Variants in SPINK5 observed in about 807,000 individuals in gnomAD.
SPINK5 encodes serine peptidase inhibitor Kazal type 5, also known as serine protease inhibitor Kazal-type 5.
A neutral mutation model predicts 151.8 loss-of-function variants in SPINK5; 125 were observed. That is an observed-to-expected ratio of 0.82 (90% CI 0.71 to 0.96). The LOEUF (loss-of-function observed/expected upper bound fraction) is 0.96, where lower values mean the gene tolerates loss of function less well. SPINK5 is among the 40% of genes least tolerant of loss of function. The pLI, the probability that SPINK5 is intolerant of heterozygous loss-of-function variation, is 0.00. For synonymous variants in SPINK5, 374 were observed against 395.3 expected, an observed-to-expected ratio of 0.95 and a Z score of 0.64; for missense variants, 1,194 against 1,291.9, an observed-to-expected ratio of 0.92 and a Z score of 1.16.
intron 30 of SPINK5, among the ~76,000 whole-genome samples, chr5:148,128,222 GTT>G (rs58436321): frequency 5.3e-5 from 8 of 150,876 alleles, no homozygotes; most frequent in East Asian, 2.0e-4. Context: ...AACAAAATAT[GTT>G]TTTTTTTTTA....
rs181820890 is a variant in SPINK5 at position 148,070,286 on chromosome 5, A to G, written c.82-37A>G. 6.0e-5 allele frequency: 96 copies of G among 1,609,322 alleles called. No homozygotes were observed. The Admixed American group carries it at 1.0e-3, about 17-fold the overall frequency. ...ATCAAAATAAAGCTTGTTTTGATGT[A>G]CTTTTAGCTAACACAACTTTTTTGG... On this transcript the variant is annotated intron_variant, in intron 2 of 32. Coordinates refer to ENST00000256084, the MANE Select transcript of SPINK5 (RefSeq NM_006846.4).
At chr5:148,078,644 C>T (rs1307288348) in intron 4 of SPINK5, among the ~76,000 whole-genome samples, 1 of 149,986 alleles carries the variant, frequency 6.7e-6, no homozygotes, top group African/African-American at 2.4e-5. Flanking sequence ...CGTGAAAATC[C>T]CCAAATCTTT....
At chr5:148,123,521 G>GTATATATATATATA (rs1159209367) in intron 26 of SPINK5, among the ~76,000 whole-genome samples, 16 of 25,014 alleles carry the variant, frequency 6.4e-4, no homozygotes, top group African/African-American at 1.2e-3. Context: ...CAATATATGT[G>GTATATATATATATA]TATATATATA....
intron 20 of SPINK5, among the ~76,000 whole-genome samples, chr5:148,113,853 A>G (rs1355526980): frequency 1.3e-5 from 2 of 149,934 alleles, no homozygotes; most frequent in Non-Finnish European, 2.9e-5. Flanking sequence ...ACTACAGACA[A>G]ACTCTCCTCT....
At chr5:148,125,451 A>G (rs1754404754) in intron 28 of SPINK5, 2 of 1,366,604 alleles carry the variant, frequency 1.5e-6, no homozygotes. Flanking sequence ...TGGGGAAAGG[A>G]AGGATGGATG....
At chr5:148,115,868 C>G (rs1256557703) in intron 21 of SPINK5, among the ~76,000 whole-genome samples, 1 of 149,944 alleles carries the variant, frequency 6.7e-6, no homozygotes, top group African/African-American at 2.5e-5. Context: ...GTCGTCCACA[C>G]TGAAGTGCAG....
intron 11 of SPINK5, among the ~76,000 whole-genome samples, chr5:148,098,858 G>A (rs1304841939): frequency 2.0e-5 from 3 of 151,954 alleles, no homozygotes; most frequent in East Asian, 3.9e-4. Context: ...GATTAACAAG[G>A]GGATGAGTAG....
rs765337620 is a variant in SPINK5 at position 148,120,379 on chromosome 5, C to T, written c.2526C>T (p.Ser842=). Residue 842 remains serine, a synonymous_variant, in exon 26 of 33, where the codon AGC becomes AGT. Coordinates refer to ENST00000256084, the MANE Select transcript of SPINK5 (RefSeq NM_006846.4). ...AAAGGAGCAATACAGGAGAAAGGAG[C>T]AATGACAAAGAGGTAATAGATGTTA... ...TGERSNTGER[S]NDKEDLCREF... 19 of 1,598,792 alleles carry T rather than the reference C, an allele frequency of 1.2e-5. No individual in the cohort carries two copies. In the African/African-American group the frequency reaches 2.0e-4, roughly 17 times the overall value.
rs2303065 is a variant in SPINK5, at chr5:148,100,549, T to C, written c.1188T>C (p.His396=). Residue 396 remains histidine, a synonymous_variant, in exon 13 of 33, where the codon CAT becomes CAC. Coordinates refer to ENST00000256084, the MANE Select transcript of SPINK5 (RefSeq NM_006846.4). The part of the protein sequence containing the change: ...DPIQGPDGKV[H]GNTCSMCEVF... ...TCCAGGGCCCAGATGGGAAAGTGCA[T>C]GGCAACACCTGCTCCATGTGTGAGG... is the stretch of plus-strand genomic sequence containing the variant. 819,905 of 1,612,000 alleles carry C rather than the reference T, an allele frequency of 0.51. 213,501 individuals are homozygous for C. Among genetic ancestry groups the C allele is most frequent in the Admixed American group, 0.66 (39,450 of 59,942 alleles).
intron 26 of SPINK5, among the ~76,000 whole-genome samples, chr5:148,121,144 A>AG (rs1491244255): frequency 1.0e-3 from 23 of 22,700 alleles, no homozygotes; most frequent in East Asian, 4.0e-3. Flanking sequence ...ACTCTGTCTC[A>AG]AAAAAAAAAA....
intron 17 of SPINK5, among the ~76,000 whole-genome samples, chr5:148,107,546 T>C (rs1167971572): frequency 6.6e-6 from 1 of 152,200 alleles, no homozygotes; most frequent in Non-Finnish European, 1.5e-5. Flanking sequence ...AGAAGCCAGC[T>C]GGATGGAGGT....
intron 1 of SPINK5, among the ~76,000 whole-genome samples, chr5:148,064,876 A>G (rs1252606043): frequency 6.6e-6 from 1 of 152,124 alleles, no homozygotes; most frequent in East Asian, 1.9e-4. Flanking sequence ...TGCAGCTGTA[A>G]TAAGGAGGTA....
intron 11 of SPINK5, among the ~76,000 whole-genome samples, chr5:148,098,930 G>A (rs1753553209): frequency 6.6e-6 from 1 of 151,990 alleles, no homozygotes; most frequent in Admixed American, 6.6e-5. Context: ...TAGTTTTGGT[G>A]CCTCTGTTAT....
Position 148,125,762 on chromosome 5 carries a change from G to A in SPINK5, c.2779G>A (p.Glu927Lys), listed in dbSNP as rs1341605776. Residue 927 changes from glutamate (E) to lysine (K), a missense_variant, in exon 29 of 33, where the codon GAA (glutamate) becomes AAA (lysine). Coordinates refer to ENST00000256084, the MANE Select transcript of SPINK5 (RefSeq NM_006846.4). Reference sequence around the variant, plus strand: ...ATTTCGAAACTATATAAGGAACAATGAACTCATCTGCCCTAGAGAGAATGA... The same window carrying A: ...ATTTCGAAACTATATAAGGAACAATAAACTCATCTGCCCTAGAGAGAATGA... Reference protein sequence around the residue: ...SEFRNYIRNNELICPRENDPV... With the variant: ...SEFRNYIRNNKLICPRENDPV... The A allele has an allele frequency of 6.2e-7, 1 of 1,614,046 alleles. No individual in the cohort carries two copies. The highest frequency in any genetic ancestry group is 8.5e-7 in the Non-Finnish European group (1 of 1,180,038).
chr5:148,100,348 C>T (rs1292492224), intron 12 of SPINK5, 106 bp from the exon 13 acceptor site: 10 of 1,211,948 alleles, frequency 8.3e-6, no homozygotes, highest in Non-Finnish European at 1.2e-5. Context: ...TTAAAATCCT[C>T]AGCTCAAAGA....
intron 18 of SPINK5, among the ~76,000 whole-genome samples, chr5:148,110,454 T>G (rs72660256): frequency 0.15 from 22,277 of 152,128 alleles, 2,154 homozygotes; most frequent in East Asian, 0.32. Flanking sequence ...GCTCCCTAAA[T>G]ATTTTCCCAT....
chr5:148,066,549 G>C (rs1752590798), intron 2 of SPINK5, among the ~76,000 whole-genome samples: 1 of 152,066 alleles, frequency 6.6e-6, no homozygotes, highest in Non-Finnish European at 1.5e-5. Flanking sequence ...TCTTACATGA[G>C]TGTTCTAGAG....
At position 148,072,139 on chromosome 5, in the gene SPINK5, C is replaced by A; in HGVS notation, c.210-9C>A. ...TGTTTAAACTATGCTATTTCTTGTCCTTTTCCAGGGAAAAAGAAGCAAAAT... is the reference window on the plus strand; with the variant it reads ...TGTTTAAACTATGCTATTTCTTGTCATTTTCCAGGGAAAAAGAAGCAAAAT... On this transcript the variant is annotated splice_polypyrimidine_tract_variant and intron_variant, in intron 3 of 32. Coordinates refer to ENST00000256084, the MANE Select transcript of SPINK5 (RefSeq NM_006846.4). The A allele has an allele frequency of 6.2e-7, 1 of 1,611,258 alleles. No homozygotes were observed. The highest frequency in any genetic ancestry group is 8.5e-7 in the Non-Finnish European group (1 of 1,177,962).
At chr5:148,106,684 C>G (rs1415335309) in intron 16 of SPINK5, among the ~76,000 whole-genome samples, 6 of 152,010 alleles carry the variant, frequency 3.9e-5, no homozygotes, top group Admixed American at 3.9e-4. Context: ...TCTTCTTTCT[C>G]AGACCCCTAA....
Sources: gnomAD v4.1 joint callset for allele counts (sites outside exome capture counted in the v4.1 genomes callset) on GRCh38, gnomAD v4.1.1 for gene constraint, MANE v1.5 for transcripts, NCBI Gene and HGNC (gene_info 2026-07-23, HGNC 2026-07-21) for gene names.